The following SNX14 variants were observed in gnomAD, a reference collection of about 807,000 sequenced individuals.
SNX14 encodes sorting nexin-14.
A neutral mutation model predicts 133.8 loss-of-function variants in SNX14; 93 were observed. The ratio of observed to expected loss-of-function variants is 0.70; its 90% CI spans 0.59 to 0.83. The LOEUF (loss-of-function observed/expected upper bound fraction) is 0.83, where lower values mean the gene tolerates loss of function less well. Ranked by LOEUF, SNX14 falls within the 40% of genes least tolerant of loss-of-function variation. SNX14 has a pLI of 0.00. For synonymous variants in SNX14, 368 were observed against 365.6 expected, an observed-to-expected ratio of 1.01 and a Z score of -0.07; for missense variants, 945 against 1,094.9, an observed-to-expected ratio of 0.86 and a Z score of 1.93.
chr6:85,507,133 G>C, intron 28 of SNX14, 100 bp downstream of exon 28: 1 of 1,101,678 alleles, frequency 9.1e-7, no homozygotes, highest in Non-Finnish European at 1.3e-6. Flanking sequence ...GAACCACAGA[G>C]AACAGAGACA....
intron 6 of SNX14, among the ~76,000 whole-genome samples, chr6:85,563,135 G>A (rs991411972): frequency 3.4e-4 from 52 of 152,020 alleles, no homozygotes; most frequent in African/African-American, 1.1e-3. Context: ...ACTACTGTAC[G>A]TTTTTTGCAT....
intron 7 of SNX14, among the ~76,000 whole-genome samples, chr6:85,551,749 T>C (rs926983402): frequency 6.6e-6 from 1 of 152,206 alleles, no homozygotes; most frequent in Admixed American, 6.5e-5. Context: ...GCTTCACTGG[T>C]TAAGCTCTGG....
chr6:85,550,764 G>T (rs1787531998), intron 7 of SNX14, among the ~76,000 whole-genome samples: 1 of 151,832 alleles, frequency 6.6e-6, no homozygotes, highest in Non-Finnish European at 1.5e-5. Context: ...CTCCCAAATT[G>T]CTGGGATTAT....
chr6:85,533,291 TTAAG>T (rs1318894665), intron 18 of SNX14, among the ~76,000 whole-genome samples: 2 of 152,194 alleles, frequency 1.3e-5, no homozygotes, highest in Non-Finnish European at 2.9e-5. Flanking sequence ...TTAATGATAA[TTAAG>T]TAAGTGCAAT....
At chr6:85,551,999 G>C (rs948956626) in intron 7 of SNX14, among the ~76,000 whole-genome samples, 3 of 149,122 alleles carry the variant, frequency 2.0e-5, no homozygotes, top group Non-Finnish European at 4.5e-5. Flanking sequence ...ATTCTGTGCA[G>C]AGTTTTCAAA....
chr6:85,542,111 G>T, intron 14 of SNX14, 68 bp from the exon 15 acceptor site: 1 of 1,059,056 alleles, frequency 9.4e-7, no homozygotes, highest in Non-Finnish European at 1.3e-6. Flanking sequence ...TGTTACCTTA[G>T]TTTACTACTT....
chr6:85,533,470 T>C (rs1780896220), intron 18 of SNX14, 129 bp downstream of exon 18: 1 of 820,018 alleles, frequency 1.2e-6, no homozygotes. Context: ...AATTTTCTGT[T>C]CTGGACACTT....
intron 28 of SNX14, 164 bp downstream of exon 28, chr6:85,507,069 G>T: frequency 1.6e-6 from 1 of 623,752 alleles, no homozygotes. Context: ...AATTGTTTGG[G>T]CATGTTTAAT....
In SNX14 at chr6:85,593,626, G is replaced by A. The variant is rs1803694187; in HGVS notation, c.93C>T (p.Phe31=). 3.1e-6 allele frequency: 5 copies of A among 1,613,454 alleles called. No individual in the cohort carries two copies. The highest frequency in any genetic ancestry group is 2.2e-5 in the South Asian group (2 of 91,054). ...GREICRQYPL[F]CFLLLCLSAA... is the part of the protein sequence containing the mutation. ...CGCTGAGACAGAGCAGCAGGAAGCA[G>A]AACAGCGGGTACTGGCGGCAGATCT... The change falls in exon 1 of 29, where the codon TTC becomes TTT. Residue 31 remains phenylalanine (F), a synonymous_variant. Transcript: ENST00000314673.
intron 1 of SNX14, among the ~76,000 whole-genome samples, chr6:85,578,242 C>G (rs1797925996): frequency 6.6e-6 from 1 of 152,172 alleles, no homozygotes; most frequent in Non-Finnish European, 1.5e-5. Context: ...TCTTTCCCAA[C>G]ACCACACAGG....
At chr6:85,566,178 G>C (rs145307436) in intron 5 of SNX14, among the ~76,000 whole-genome samples, 1 of 152,108 alleles carries the variant, frequency 6.6e-6, no homozygotes, top group Non-Finnish European at 1.5e-5. Flanking sequence ...ATTTTATGTC[G>C]AAAGTGTCGT....
intron 19 of SNX14, 44 bp downstream of exon 19, chr6:85,530,148 G>A: frequency 8.3e-7 from 1 of 1,204,444 alleles, no homozygotes; most frequent in Non-Finnish European, 1.2e-6. Context: ...TTTAAAGAAT[G>A]CTAATGCTGA....
At chr6:85,517,167 T>C (rs1207960602) in intron 23 of SNX14, among the ~76,000 whole-genome samples, 1 of 152,154 alleles carries the variant, frequency 6.6e-6, no homozygotes, top group Non-Finnish European at 1.5e-5. Flanking sequence ...TATCTATATA[T>C]ACAAGTTATA....
intron 1 of SNX14, chr6:85,589,225 C>CTTTT (rs34164476): frequency 1.1e-4 from 14 of 130,990 alleles, no homozygotes; most frequent in East Asian, 2.2e-4. Context: ...TCTGGCACCA[C>CTTTT]TTTTTTTTTT....
chr6:85,537,924 C>A (rs1782452974), intron 16 of SNX14, among the ~76,000 whole-genome samples: 1 of 152,148 alleles, frequency 6.6e-6, no homozygotes, highest in African/African-American at 2.4e-5. Flanking sequence ...GAGGCTCCAT[C>A]AAGAAAATAT....
intron 6 of SNX14, among the ~76,000 whole-genome samples, chr6:85,563,644 A>C (rs1313597317): frequency 6.6e-6 from 1 of 152,014 alleles, no homozygotes; most frequent in African/African-American, 2.4e-5. Flanking sequence ...CCGCCCACCT[A>C]GGCCTCCCAA....
chr6:85,551,084 G>A (rs1272266908), intron 7 of SNX14, among the ~76,000 whole-genome samples: 2 of 152,062 alleles, frequency 1.3e-5, no homozygotes, highest in East Asian at 3.9e-4. Flanking sequence ...CCTGGCCTCA[G>A]AATTCTTTAA....
chr6:85,533,555 A>T (rs771704270), intron 18 of SNX14, 44 bp downstream of exon 18: 1 of 1,575,504 alleles, frequency 6.3e-7, no homozygotes, highest in East Asian at 2.2e-5. Context: ...CAACAGACTC[A>T]TTCATGGGCA....
intron 9 of SNX14, 79 bp from the exon 10 acceptor site, chr6:85,547,629 TTATG>T: frequency 8.3e-7 from 1 of 1,203,614 alleles, no homozygotes; most frequent in Non-Finnish European, 1.1e-6. Flanking sequence ...TTGTATCATA[TTATG>T]TAAGTTTCTA....
Sources: allele counts gnomAD v4.1 joint callset (sites outside exome capture counted in the v4.1 genomes callset), GRCh38; gene constraint gnomAD v4.1.1; transcripts MANE v1.5; gene names NCBI Gene and HGNC (gene_info 2026-07-23, HGNC 2026-07-21).